Variants in ARB2A observed in about 807,000 individuals in gnomAD.
ARB2A encodes the protein cotranscriptional regulator ARB2A.
At chr5:93,619,035 A>G in the ARB2A span, 2 of 152,226 alleles carry the variant, frequency 1.3e-5, no homozygotes, top group Non-Finnish European at 2.9e-5. Flanking sequence ...AACACAATTT[A>G]TAATACCTTG....
At chr5:93,987,071 C>A in the ARB2A span, among the ~76,000 whole-genome samples, 14 of 151,612 alleles carry the variant, frequency 9.2e-5, no homozygotes, top group African/African-American at 3.4e-4. Flanking sequence ...TTTATTGAAT[C>A]CTATTAAAAT....
the ARB2A span, among the ~76,000 whole-genome samples, chr5:93,783,420 A>G: frequency 6.6e-6 from 1 of 152,176 alleles, no homozygotes; most frequent in African/African-American, 2.4e-5. Flanking sequence ...TAATGCTACT[A>G]TGAAATTATA....
the ARB2A span, among the ~76,000 whole-genome samples, chr5:93,707,452 TAAATTAAAAA>T: frequency 6.6e-6 from 1 of 152,116 alleles, no homozygotes; most frequent in Non-Finnish European, 1.5e-5. Flanking sequence ...CTCAATTTTT[TAAATTAAAAA>T]ATTCATTATT....
chr5:93,811,105 T>C, the ARB2A span, among the ~76,000 whole-genome samples: 14 of 152,084 alleles, frequency 9.2e-5, no homozygotes, highest in African/African-American at 3.1e-4. Flanking sequence ...CAAATGCTGA[T>C]AGCAGAGACT....
chr5:93,824,210 C>T, the ARB2A span: 1 of 1,593,516 alleles, frequency 6.3e-7, no homozygotes, highest in Non-Finnish European at 8.5e-7. Context: ...TCAGCAGCAG[C>T]CTGAGCTATG....
chr5:93,845,266 T>G, the ARB2A span, among the ~76,000 whole-genome samples: 9 of 152,354 alleles, frequency 5.9e-5, no homozygotes, highest in Middle Eastern at 3.4e-3. Context: ...TGCTCACTGC[T>G]TAATGTGTCA....
the ARB2A span, among the ~76,000 whole-genome samples, chr5:94,094,134 G>C: frequency 5.3e-5 from 8 of 152,182 alleles, no homozygotes; most frequent in Admixed American, 1.3e-4. Context: ...ATTACAATTT[G>C]TATTAGTCTA....
chr5:93,993,518 G>A, the ARB2A span, among the ~76,000 whole-genome samples: 7 of 152,008 alleles, frequency 4.6e-5, no homozygotes, highest in Non-Finnish European at 7.4e-5. Flanking sequence ...AAATATTCAC[G>A]TCATCCACTA....
chr5:93,965,461 T>C, the ARB2A span, among the ~76,000 whole-genome samples: 2 of 152,032 alleles, frequency 1.3e-5, no homozygotes, highest in Non-Finnish European at 2.9e-5. Context: ...ATATGGGACT[T>C]CTGATCTACA....
the ARB2A span, among the ~76,000 whole-genome samples, chr5:93,826,620 G>A: frequency 6.6e-6 from 1 of 151,844 alleles, no homozygotes; most frequent in Admixed American, 6.6e-5. Flanking sequence ...TATACTTTAA[G>A]TTTTAGGGTA....
the ARB2A span, among the ~76,000 whole-genome samples, chr5:93,876,871 A>T: frequency 6.6e-6 from 1 of 152,158 alleles, no homozygotes; most frequent in Non-Finnish European, 1.5e-5. Context: ...GCTTTAGTTT[A>T]TCAGAGTTGG....
chr5:93,839,946 AT>A, the ARB2A span, among the ~76,000 whole-genome samples: 2 of 152,020 alleles, frequency 1.3e-5, no homozygotes, highest in Non-Finnish European at 2.9e-5. Flanking sequence ...CTAGCAGTCT[AT>A]GTAATTTTTT....
chr5:93,755,306 G>T, the ARB2A span, among the ~76,000 whole-genome samples: 1 of 152,188 alleles, frequency 6.6e-6, no homozygotes, highest in East Asian at 1.9e-4. Context: ...GAATAACAGT[G>T]TCCTTAACTG....
At chr5:94,054,971 T>A in the ARB2A span, among the ~76,000 whole-genome samples, 2 of 152,184 alleles carry the variant, frequency 1.3e-5, no homozygotes, top group South Asian at 4.1e-4. Flanking sequence ...TTGCTTTTCA[T>A]GCACTTCCTT....
chr5:93,784,132 T>G, the ARB2A span: 3 of 269,376 alleles, frequency 1.1e-5, no homozygotes, highest in Non-Finnish European at 1.4e-5. Context: ...GTTCCTACCA[T>G]AGATTGAACA....
the ARB2A span, among the ~76,000 whole-genome samples, chr5:93,932,211 C>T: frequency 1.3e-5 from 2 of 152,122 alleles, no homozygotes; most frequent in African/African-American, 4.8e-5. Context: ...TGAGAATTTG[C>T]TGTCATATTT....
the ARB2A span, among the ~76,000 whole-genome samples, chr5:93,764,866 C>A: frequency 6.6e-6 from 1 of 152,196 alleles, no homozygotes; most frequent in Non-Finnish European, 1.5e-5. Flanking sequence ...GGGCTTCATT[C>A]CTGGGATGCA....
At chr5:93,896,277 T>C in the ARB2A span, among the ~76,000 whole-genome samples, 4 of 152,136 alleles carry the variant, frequency 2.6e-5, no homozygotes, top group Non-Finnish European at 5.9e-5. Flanking sequence ...AAATCCGTAA[T>C]GCTCCAAAAT....
chr5:93,857,176 G>T, the ARB2A span, among the ~76,000 whole-genome samples: 1 of 152,140 alleles, frequency 6.6e-6, no homozygotes, highest in Non-Finnish European at 1.5e-5. Flanking sequence ...GCTGTGTGAG[G>T]TGTCAGTCTG....
Sources: gnomAD v4.1 joint callset for allele counts (sites outside exome capture counted in the v4.1 genomes callset) on GRCh38, gnomAD v4.1.1 for gene constraint, MANE v1.5 for transcripts, NCBI Gene and HGNC (gene_info 2026-07-23, HGNC 2026-07-21) for gene names.